HMGCLL1: variants seen among roughly 807,000 people sequenced by gnomAD.
HMGCLL1 encodes 3-hydroxymethyl-3-methylglutaryl-CoA lyase, cytoplasmic.
Under a neutral mutation model 39.1 loss-of-function variants are expected in HMGCLL1, and 36 were observed. The ratio of observed to expected loss-of-function variants is 0.92; its 90% confidence interval spans 0.71 to 1.22. The LOEUF is 1.22. Ranked by LOEUF, HMGCLL1 falls within the 50% of genes most tolerant of loss-of-function variation. The pLI is 0.00. For missense variants in HMGCLL1, 451 were observed against 416.5 expected (o/e 1.08, Z -0.72); for synonymous variants, 149 against 144.0 (o/e 1.03, Z -0.25).
chr6:55,564,460 A>G (rs1215707928), intron 1 of HMGCLL1, among the ~76,000 whole-genome samples: 1 of 152,048 alleles, frequency 6.6e-6, no homozygotes, highest in East Asian at 1.9e-4. Flanking sequence ...TTACATATGT[A>G]TACATGTGCC....
At chr6:55,460,834 C>A (rs1561893796) in intron 7 of HMGCLL1, among the ~76,000 whole-genome samples, 1 of 151,882 alleles carries the variant, frequency 6.6e-6, no homozygotes, top group Non-Finnish European at 1.5e-5. Flanking sequence ...TATTTTTTAA[C>A]CCAGCAATTT....
chr6:55,472,287 A>C (rs1765081605), intron 7 of HMGCLL1, among the ~76,000 whole-genome samples: 1 of 151,612 alleles, frequency 6.6e-6, no homozygotes, highest in African/African-American at 2.4e-5. Context: ...AGTACTTTGT[A>C]CCTCAGACTT....
the HMGCLL1 span, among the ~76,000 whole-genome samples, chr6:55,640,096 G>C: frequency 6.6e-6 from 1 of 151,704 alleles, no homozygotes; most frequent in African/African-American, 2.4e-5. Context: ...AAGAAGGAAA[G>C]AAAGATTAAG....
At chr6:55,468,231 A>G (rs1764876727) in intron 7 of HMGCLL1, among the ~76,000 whole-genome samples, 1 of 152,034 alleles carries the variant, frequency 6.6e-6, no homozygotes, top group African/African-American at 2.4e-5. Context: ...CAATAAATTT[A>G]GGTTTAATGC....
chr6:55,467,402 A>C (rs1441223295), intron 7 of HMGCLL1, among the ~76,000 whole-genome samples: 1 of 152,076 alleles, frequency 6.6e-6, no homozygotes, highest in Non-Finnish European at 1.5e-5. Flanking sequence ...TTGCCATGCC[A>C]CCTAAGTGGA....
rs547532402 is a variant in HMGCLL1 at position 55,497,008 on chromosome 6, C to A, written c.607-1401G>T. 9.9e-5 allele frequency among the ~76,000 whole-genome samples: 15 copies of A among 152,150 alleles called. No homozygotes were observed. The South Asian group carries it at 2.9e-3, about 29-fold the overall frequency. On this transcript the variant is annotated intron_variant, in intron 6 of 8. Transcript: ENST00000274901. ...TAAGTAGCTTTGCAAATGGTAGAGT[C>A]ATTTAATATTTCTGGTCTAATTTAT...
At chr6:55,657,815 C>A in the HMGCLL1 span, among the ~76,000 whole-genome samples, 7,167 of 151,824 alleles carry the variant, frequency 0.047, 223 homozygotes, top group Non-Finnish European at 0.076. Context: ...GAACAGAAAA[C>A]CAGATACTAC....
the HMGCLL1 span, among the ~76,000 whole-genome samples, chr6:55,634,509 C>A: frequency 6.6e-6 from 1 of 152,090 alleles, no homozygotes; most frequent in African/African-American, 2.4e-5. Context: ...AAGATCTTAA[C>A]CTGGTAACCA....
intron 1 of HMGCLL1, among the ~76,000 whole-genome samples, chr6:55,577,961 AAAGAT>A (rs1236385747): frequency 6.6e-6 from 1 of 152,240 alleles, no homozygotes; most frequent in Admixed American, 6.5e-5. Context: ...TCCAATTTGT[AAAGAT>A]AAGATTGCAA....
intron 8 of HMGCLL1, among the ~76,000 whole-genome samples, chr6:55,435,988 G>A (rs1581777036): frequency 1.3e-5 from 2 of 151,982 alleles, no homozygotes; most frequent in East Asian, 3.9e-4. Flanking sequence ...TCTGACCCTT[G>A]TATAATAATA....
chr6:55,528,116 T>C (rs1159293330), intron 3 of HMGCLL1, among the ~76,000 whole-genome samples: 3 of 152,032 alleles, frequency 2.0e-5, no homozygotes, highest in Non-Finnish European at 4.4e-5. Flanking sequence ...ACCAACTCTA[T>C]CGATAATCCA....
the HMGCLL1 span, among the ~76,000 whole-genome samples, chr6:55,644,580 C>G: frequency 6.6e-6 from 1 of 151,882 alleles, no homozygotes; most frequent in Non-Finnish European, 1.5e-5. Flanking sequence ...TTGTATAAGG[C>G]AAGAGATACA....
intron 7 of HMGCLL1, among the ~76,000 whole-genome samples, chr6:55,470,409 T>C (rs1054980213): frequency 1.3e-5 from 2 of 151,886 alleles, no homozygotes; most frequent in African/African-American, 2.4e-5. Flanking sequence ...AGATATCAGA[T>C]GGACACTTTC....
chr6:55,441,478 C>T (rs1328934670), intron 7 of HMGCLL1, among the ~76,000 whole-genome samples: 1 of 152,068 alleles, frequency 6.6e-6, no homozygotes, highest in Non-Finnish European at 1.5e-5. Flanking sequence ...CTAAAGAACA[C>T]ATGTTGGCAA....
chr6:55,439,559 T>A lies in HMGCLL1; in HGVS notation c.796A>T (p.Met266Leu). 3 of 1,611,492 alleles carry A rather than the reference T, an allele frequency of 1.9e-6. No homozygotes were observed. The highest frequency in any genetic ancestry group is 2.5e-6 in the Non-Finnish European group (3 of 1,178,420). The stretch of plus-strand genomic sequence containing the variant: ...GCGGAGTCCACCACATTAATTCCCA[T>A]CTGGAAAACAAACCAAACCACCTAA... ...ALANILTALQ[M>L]GINVVDSAVS... Residue 266 changes from methionine (M) to leucine (L), a missense_variant and splice_region_variant, in exon 8 of 9, where the codon ATG becomes TTG. Met to Leu is a conservative substitution (Grantham distance 15, BLOSUM62 2). Transcript: ENST00000274901.
chr6:55,446,975 C>T (rs967323372), intron 7 of HMGCLL1, among the ~76,000 whole-genome samples: 1 of 151,754 alleles, frequency 6.6e-6, no homozygotes, highest in African/African-American at 2.4e-5. Flanking sequence ...AATAAAATTT[C>T]TGAAAGTGAA....
intron 1 of HMGCLL1, among the ~76,000 whole-genome samples, chr6:55,576,709 T>C (rs531585092): frequency 2.4e-4 from 37 of 152,170 alleles, no homozygotes; most frequent in African/African-American, 8.7e-4. Context: ...AGAAGTAAAA[T>C]TGCAGGACTC....
chr6:55,641,337 G>A, the HMGCLL1 span, among the ~76,000 whole-genome samples: 1 of 151,886 alleles, frequency 6.6e-6, no homozygotes, highest in South Asian at 2.1e-4. Context: ...AGCAGCAACA[G>A]GTTAAAATTT....
At chr6:55,587,970 G>A in the HMGCLL1 span, among the ~76,000 whole-genome samples, 13 of 151,950 alleles carry the variant, frequency 8.6e-5, no homozygotes, top group Non-Finnish European at 8.8e-5. Context: ...CTTTAACACC[G>A]CACTGTCAAC....
Sources: allele counts gnomAD v4.1 joint callset (sites outside exome capture counted in the v4.1 genomes callset), GRCh38; gene constraint gnomAD v4.1.1; transcripts MANE v1.5; gene names NCBI Gene and HGNC (gene_info 2026-07-23, HGNC 2026-07-21).